The following IL15 variants were observed in gnomAD, a reference collection of about 807,000 sequenced individuals.
IL15 encodes interleukin 15, also known as interleukin-15.
A neutral mutation model predicts 19.6 loss-of-function variants in IL15; 11 were observed. The observed-to-expected ratio is 0.56, with a 90% CI of 0.35 to 0.93. IL15 has a LOEUF of 0.93. IL15 is among the 40% of genes least tolerant of loss of function. The probability of loss-of-function intolerance (pLI) is 0.01; values close to 1 mark genes in which losing one functional copy is unlikely to be tolerated. For missense variants in IL15, 197 were observed against 186.5 expected, an observed-to-expected ratio of 1.06 and a Z score of -0.33; for synonymous variants, 58 against 59.6, an observed-to-expected ratio of 0.97 and a Z score of 0.12.
At chr4:141,692,139 C>T (rs1445765576) in intron 2 of IL15, among the ~76,000 whole-genome samples, 1 of 152,250 alleles carries the variant, frequency 6.6e-6, no homozygotes, top group Non-Finnish European at 1.5e-5. Flanking sequence ...AAAGCACGGC[C>T]CAAGCTGTGC....
intron 1 of IL15, among the ~76,000 whole-genome samples, chr4:141,648,933 C>A (rs1192127626): frequency 6.6e-6 from 1 of 152,054 alleles, no homozygotes; most frequent in Non-Finnish European, 1.5e-5. Flanking sequence ...GTACATGGCT[C>A]CCTGCCAAGT....
chr4:141,679,530 G>T (rs1728466237), intron 2 of IL15, among the ~76,000 whole-genome samples: 1 of 152,024 alleles, frequency 6.6e-6, no homozygotes, highest in Admixed American at 6.6e-5. Flanking sequence ...GATCTCAAAG[G>T]TGTTCCTTTT....
At chr4:141,721,191 A>G (rs1730062777) in intron 4 of IL15, 1 of 944,168 alleles carries the variant, frequency 1.1e-6, no homozygotes, top group East Asian at 2.4e-5. Flanking sequence ...ATTCTTCATC[A>G]TAAGACAGAT....
chr4:141,719,934 C>T (rs927965506), intron 3 of IL15, among the ~76,000 whole-genome samples: 1 of 152,036 alleles, frequency 6.6e-6, no homozygotes, highest in African/African-American at 2.4e-5. Context: ...TCCTAAATCA[C>T]CAAGAAAGAT....
rs774431338 is a variant in IL15, at chr4:141,729,877, T to C, written c.271T>C (p.Phe91Leu). 3.2e-6 allele frequency: 5 copies of C among 1,582,836 alleles called. No individual in the cohort carries two copies. In the Admixed American group the frequency reaches 8.3e-5, roughly 26 times the overall value. The change falls in exon 7 of 8, where the codon TTT (phenylalanine) becomes CTT (leucine). Residue 91 changes from phenylalanine (F) to leucine (L), a missense_variant. Physicochemically the swap from Phe to Leu is conservative, Grantham distance 22. Transcript: ENST00000320650. ...PSCKVTAMKC[F>L]LLELQVISLE... ...TTGCAAAGTAACAGCAATGAAGTGC[T>C]TTCTCTTGGAGTTACAAGTTATTTC... is the stretch of plus-strand genomic sequence containing the variant.
At chr4:141,639,765 A>G (rs1726982647) in intron 1 of IL15, among the ~76,000 whole-genome samples, 1 of 152,198 alleles carries the variant, frequency 6.6e-6, no homozygotes, top group South Asian at 2.1e-4. Flanking sequence ...CCCGTTGATT[A>G]CAGTAACTGC....
chr4:141,708,263 T>C (rs1729592311), intron 2 of IL15, among the ~76,000 whole-genome samples: 1 of 152,164 alleles, frequency 6.6e-6, no homozygotes, highest in Non-Finnish European at 1.5e-5. Flanking sequence ...GTCTTGGTCA[T>C]TATGACATGC....
At chr4:141,665,101 T>C (rs886794635) in intron 2 of IL15, among the ~76,000 whole-genome samples, 9 of 152,096 alleles carry the variant, frequency 5.9e-5, no homozygotes, top group Admixed American at 5.2e-4. Flanking sequence ...ACCAGTACAT[T>C]TTATCATTTT....
intron 2 of IL15, chr4:141,717,098 C>T (rs764091638): frequency 5.9e-5 from 9 of 151,996 alleles, no homozygotes; most frequent in Non-Finnish European, 7.4e-5. Context: ...CTAGATAACT[C>T]GATTAACTAG....
In IL15 at chr4:141,719,550, A is replaced by G. The variant is rs368945859; in HGVS notation, c.12+74A>G. The G allele has an allele frequency of 6.0e-6, 7 of 1,176,420 alleles. No homozygotes were observed. The African/African-American group carries it at 9.3e-5, about 16-fold the overall frequency. The allele number at this position is 1,176,420 out of a possible 1,614,324, so 72.9% of individuals were successfully genotyped here. Reference sequence around the variant, plus strand: ...TCGTCTGAATCTCAGAGTCTTTGCAATAAGTTACATGGTTATTCTCCAAAG... The same window carrying G: ...TCGTCTGAATCTCAGAGTCTTTGCAGTAAGTTACATGGTTATTCTCCAAAG... On this transcript the variant is annotated intron_variant, in intron 3 of 7. Transcript: ENST00000320650.
At chr4:141,652,801 T>C (rs777728497) in intron 1 of IL15, among the ~76,000 whole-genome samples, 2 of 152,194 alleles carry the variant, frequency 1.3e-5, no homozygotes, top group Non-Finnish European at 2.9e-5. Flanking sequence ...AATTTAATTT[T>C]AAGTGTTATT....
intron 2 of IL15, among the ~76,000 whole-genome samples, chr4:141,708,073 G>A (rs1460596717): frequency 6.6e-6 from 1 of 152,220 alleles, no homozygotes; most frequent in Non-Finnish European, 1.5e-5. Context: ...CATGGGAGTA[G>A]GTTGCCACAT....
chr4:141,681,839 G>A (rs1030242370), intron 2 of IL15, among the ~76,000 whole-genome samples: 1 of 152,156 alleles, frequency 6.6e-6, no homozygotes, highest in African/African-American at 2.4e-5. Flanking sequence ...GGTTGTTGGT[G>A]CAGAAAGCTT....
intron 1 of IL15, among the ~76,000 whole-genome samples, chr4:141,645,114 T>G (rs1045775144): frequency 9.2e-5 from 14 of 152,316 alleles, no homozygotes; most frequent in Admixed American, 6.5e-5. Context: ...TTTTTGTTTT[T>G]AAGTTCAATG....
At chr4:141,643,924 A>G (rs1238289284) in intron 1 of IL15, among the ~76,000 whole-genome samples, 1 of 151,666 alleles carries the variant, frequency 6.6e-6, no homozygotes, top group East Asian at 1.9e-4. Context: ...CTTTACTGCC[A>G]TATCTGCTTG....
intron 2 of IL15, among the ~76,000 whole-genome samples, chr4:141,660,071 T>A (rs773459298): frequency 1.3e-5 from 2 of 152,194 alleles, no homozygotes; most frequent in Non-Finnish European, 2.9e-5. Flanking sequence ...CTGCTCTTAC[T>A]GTAACAAGAA....
At chr4:141,668,558 G>A (rs114922733) in intron 2 of IL15, among the ~76,000 whole-genome samples, 1,996 of 152,318 alleles carry the variant, frequency 0.013, 28 homozygotes, top group Admixed American at 0.022. Flanking sequence ...GTTTGGCTGG[G>A]TTGTTGGGGA....
intron 2 of IL15, among the ~76,000 whole-genome samples, chr4:141,660,410 C>T (rs965842970): frequency 6.6e-6 from 1 of 152,116 alleles, no homozygotes; most frequent in Admixed American, 6.6e-5. Context: ...CCACTTTTAA[C>T]TCAATTTAGT....
intron 1 of IL15, among the ~76,000 whole-genome samples, chr4:141,638,026 G>A (rs541001485): frequency 6.6e-6 from 1 of 152,256 alleles, no homozygotes; most frequent in East Asian, 1.9e-4. Context: ...AGGAGTTCCA[G>A]TTTATAGTGA....
Sources: allele counts gnomAD v4.1 joint callset (sites outside exome capture counted in the v4.1 genomes callset), GRCh38; gene constraint gnomAD v4.1.1; transcripts MANE v1.5; gene names NCBI Gene and HGNC (gene_info 2026-07-23, HGNC 2026-07-21).